The following TRHDE variants were observed in gnomAD, a reference collection of about 807,000 sequenced individuals.
The protein encoded by TRHDE is thyrotropin releasing hormone degrading enzyme.
In TRHDE, 72 loss-of-function variants were observed where a neutral mutation model predicts 125.7. The observed-to-expected ratio is 0.57, with a 90% CI of 0.47 to 0.70. TRHDE has a LOEUF of 0.70. Among genes scored for constraint, TRHDE ranks in the 30% least tolerant of loss-of-function variants. The pLI, the probability that TRHDE is intolerant of heterozygous loss-of-function variation, is 0.00. For missense variants in TRHDE, 1,110 were observed against 1,327.1 expected (o/e 0.84, Z 2.54); for synonymous variants, 509 against 509.1 (o/e 1.00, Z 0.00).
chr12:72,288,997 A>G (rs1879992968), intron 2 of TRHDE, among the ~76,000 whole-genome samples: 1 of 152,162 alleles, frequency 6.6e-6, no homozygotes, highest in Non-Finnish European at 1.5e-5. Flanking sequence ...TCAACTGTGG[A>G]AATATAGTTT....
At chr12:72,323,534 ATGTT>A (rs1448963987) in intron 2 of TRHDE, among the ~76,000 whole-genome samples, 2 of 152,024 alleles carry the variant, frequency 1.3e-5, no homozygotes, top group African/African-American at 4.8e-5. Context: ...TTTCATGGTC[ATGTT>A]TGTTCCAGGT....
chr12:72,632,589 T>C (rs188574541), intron 15 of TRHDE, among the ~76,000 whole-genome samples: 32 of 152,116 alleles, frequency 2.1e-4, no homozygotes, highest in Admixed American at 1.6e-3. Context: ...TGAGTCATCA[T>C]AGATATCTTA....
intron 6 of TRHDE, among the ~76,000 whole-genome samples, chr12:72,513,878 A>G (rs562279420): frequency 3.9e-5 from 6 of 152,232 alleles, no homozygotes; most frequent in African/African-American, 1.2e-4. Flanking sequence ...ACCTTAGCAC[A>G]CAGATGAACT....
At chr12:72,336,875 C>T (rs1300933881) in intron 2 of TRHDE, among the ~76,000 whole-genome samples, 1 of 152,172 alleles carries the variant, frequency 6.6e-6, no homozygotes, top group Non-Finnish European at 1.5e-5. Context: ...GGCCCCACCT[C>T]CCAAAACTGC....
chr12:72,450,538 C>A (rs926800842), intron 3 of TRHDE, among the ~76,000 whole-genome samples: 1 of 151,988 alleles, frequency 6.6e-6, no homozygotes, highest in Non-Finnish European at 1.5e-5. Context: ...ATACTTATTA[C>A]TCTCTTACCA....
intron 3 of TRHDE, among the ~76,000 whole-genome samples, chr12:72,386,772 C>A (rs1187504768): frequency 6.6e-6 from 1 of 152,174 alleles, no homozygotes; most frequent in Non-Finnish European, 1.5e-5. Flanking sequence ...ATCCAATGCT[C>A]CATTCTCAGC....
chr12:72,446,919 A>G (rs1311774210), intron 3 of TRHDE, among the ~76,000 whole-genome samples: 1 of 152,138 alleles, frequency 6.6e-6, no homozygotes, highest in Non-Finnish European at 1.5e-5. Context: ...TAATAATGGA[A>G]GACTTTAACA....
intron 3 of TRHDE, among the ~76,000 whole-genome samples, chr12:72,398,047 T>C (rs1469965877): frequency 7.6e-6 from 1 of 131,736 alleles, no homozygotes; most frequent in East Asian, 2.5e-4. Context: ...TGTGTTCTCA[T>C]TGTTCAATTC....
At chr12:72,116,220 A>C (rs761476008) in intron 2 of TRHDE, among the ~76,000 whole-genome samples, 3 of 152,200 alleles carry the variant, frequency 2.0e-5, no homozygotes, top group Non-Finnish European at 4.4e-5. Flanking sequence ...ATAGTATTCC[A>C]TGGTGTATAT....
intron 2 of TRHDE, among the ~76,000 whole-genome samples, chr12:72,222,845 G>C (rs1432482204): frequency 6.6e-6 from 1 of 152,106 alleles, no homozygotes; most frequent in East Asian, 1.9e-4. Context: ...CTACCATTTG[G>C]AGTGCAAAGG....
chr12:72,151,392 TA>T (rs1339724278), intron 2 of TRHDE, among the ~76,000 whole-genome samples: 1 of 151,990 alleles, frequency 6.6e-6, no homozygotes, highest in African/African-American at 2.4e-5. Flanking sequence ...AGAAGCTCTT[TA>T]GTTTAATTAG....
At chr12:72,599,881 CA>C (rs1026743360) in intron 12 of TRHDE, among the ~76,000 whole-genome samples, 1 of 152,010 alleles carries the variant, frequency 6.6e-6, no homozygotes, top group African/African-American at 2.4e-5. Context: ...TGAGTTCTTA[CA>C]TTTAAATTTT....
chr12:72,319,362 G>A (rs944995861), intron 2 of TRHDE, among the ~76,000 whole-genome samples: 1 of 152,100 alleles, frequency 6.6e-6, no homozygotes. Flanking sequence ...TCAAACCTAG[G>A]TCTGCTTCAG....
At chr12:72,570,100 GA>G (rs1315289249) in intron 10 of TRHDE, among the ~76,000 whole-genome samples, 1 of 152,164 alleles carries the variant, frequency 6.6e-6, no homozygotes, top group Admixed American at 6.5e-5. Flanking sequence ...ATGGAAATGG[GA>G]AAATTAGAAG....
intron 2 of TRHDE, among the ~76,000 whole-genome samples, chr12:72,322,296 G>T (rs1044963296): frequency 4.6e-5 from 7 of 152,008 alleles, no homozygotes; most frequent in African/African-American, 7.2e-5. Flanking sequence ...GCATTTTGCA[G>T]GGACTCTTTC....
intron 2 of TRHDE, among the ~76,000 whole-genome samples, chr12:72,138,371 C>CA (rs563910809): frequency 1.3e-3 from 195 of 150,348 alleles, no homozygotes; most frequent in Non-Finnish European, 2.3e-3. Context: ...GACTCCGTTT[C>CA]AAAAAAAAAC....
At chr12:72,173,982 C>G (rs190244125) in intron 2 of TRHDE, among the ~76,000 whole-genome samples, 30 of 152,284 alleles carry the variant, frequency 2.0e-4, no homozygotes, top group African/African-American at 7.2e-4. Flanking sequence ...TTTTGATGCT[C>G]TTCCTATCAA....
At chr12:72,334,515 T>C (rs973098112) in intron 2 of TRHDE, among the ~76,000 whole-genome samples, 1 of 152,228 alleles carries the variant, frequency 6.6e-6, no homozygotes, top group African/African-American at 2.4e-5. Context: ...GTGTACTTTT[T>C]ACAGGAAATT....
At chr12:72,477,687 C>T (rs1876964561) in intron 5 of TRHDE, among the ~76,000 whole-genome samples, 1 of 152,100 alleles carries the variant, frequency 6.6e-6, no homozygotes, top group African/African-American at 2.4e-5. Flanking sequence ...TCTTCAACAA[C>T]TCTTGATCAT....
Sources: allele counts gnomAD v4.1 joint callset (sites outside exome capture counted in the v4.1 genomes callset), GRCh38; gene constraint gnomAD v4.1.1; transcripts MANE v1.5; gene names NCBI Gene and HGNC (gene_info 2026-07-23, HGNC 2026-07-21).